MYO3B: variants seen among roughly 807,000 people sequenced by gnomAD.
MYO3B encodes myosin IIIB.
MYO3B carries 156 observed loss-of-function variants against 174.6 expected under a neutral mutation model. That is an observed-to-expected ratio of 0.89 (90% CI 0.78 to 1.02). MYO3B has a LOEUF of 1.02. Among genes scored for constraint, MYO3B ranks in the 50% least tolerant of loss-of-function variants. The pLI is 0.00. For synonymous variants in MYO3B, 563 were observed against 569.1 expected, an observed-to-expected ratio of 0.99 and a Z score of 0.15; for missense variants, 1,632 against 1,639.4, an observed-to-expected ratio of 1.00 and a Z score of 0.08.
intron 7 of MYO3B, among the ~76,000 whole-genome samples, chr2:170,258,900 A>G (rs1328611219): frequency 2.0e-5 from 3 of 152,212 alleles, no homozygotes; most frequent in Admixed American, 6.5e-5. Context: ...TACAAAAATC[A>G]GTAGTATTTC....
chr2:170,321,631 A>G (rs1287084985), intron 7 of MYO3B, among the ~76,000 whole-genome samples: 1 of 152,214 alleles, frequency 6.6e-6, no homozygotes, highest in Non-Finnish European at 1.5e-5. Context: ...ATTCACAACT[A>G]GAGTGAAGTG....
intron 32 of MYO3B, among the ~76,000 whole-genome samples, chr2:170,566,234 G>T (rs1174576529): frequency 6.6e-6 from 1 of 152,102 alleles, no homozygotes; most frequent in Non-Finnish European, 1.5e-5. Context: ...GGAGATTAAG[G>T]AATTTATTCT....
intron 32 of MYO3B, among the ~76,000 whole-genome samples, chr2:170,617,830 G>A (rs1695565708): frequency 6.6e-6 from 1 of 152,206 alleles, no homozygotes; most frequent in Non-Finnish European, 1.5e-5. Flanking sequence ...CAACAATGGT[G>A]TAGTGAGAAG....
intron 32 of MYO3B, among the ~76,000 whole-genome samples, chr2:170,576,581 G>A (rs1692799039): frequency 6.6e-6 from 1 of 152,218 alleles, no homozygotes; most frequent in African/African-American, 2.4e-5. Flanking sequence ...GTCACACAGA[G>A]CATGAGGCTA....
intron 3 of MYO3B, among the ~76,000 whole-genome samples, chr2:170,204,512 A>G (rs2092695463): frequency 6.6e-6 from 1 of 152,238 alleles, no homozygotes; most frequent in Non-Finnish European, 1.5e-5. Context: ...GGAACATTTT[A>G]TTGCTTGAAA....
intron 32 of MYO3B, among the ~76,000 whole-genome samples, chr2:170,643,382 G>A (rs886605666): frequency 1.3e-5 from 2 of 152,148 alleles, no homozygotes; most frequent in Admixed American, 1.3e-4. Flanking sequence ...CCATGTGCAT[G>A]GTCAACCCTC....
intron 7 of MYO3B, among the ~76,000 whole-genome samples, chr2:170,295,788 A>G (rs1164920206): frequency 6.6e-6 from 1 of 152,126 alleles, no homozygotes; most frequent in African/African-American, 2.4e-5. Context: ...TTTCTTCTTT[A>G]TTATAAGACA....
At chr2:170,488,867 C>A (rs1011881473) in intron 25 of MYO3B, among the ~76,000 whole-genome samples, 26 of 152,214 alleles carry the variant, frequency 1.7e-4, no homozygotes, top group African/African-American at 6.0e-4. Context: ...GAAGCACCTT[C>A]CTGATACACT....
chr2:170,383,818 A>G lies in MYO3B; in HGVS notation c.1290+4A>G, dbSNP rs2094353601. The G allele has an allele frequency of 6.2e-7, 1 of 1,605,452 alleles. No homozygotes were observed. Among genetic ancestry groups the G allele is most frequent in the African/African-American group, 1.3e-5 (1 of 74,748 alleles). On this transcript the variant is annotated splice_donor_region_variant and intron_variant, in intron 12 of 34. Transcript: ENST00000408978. ...GGTTACTCTCAGCAAAGACCAGGTA[A>G]GAACTCACCTTCCTTTCCTACGGAG...
At chr2:170,436,925 T>C (rs1328554792) in intron 22 of MYO3B, among the ~76,000 whole-genome samples, 1 of 152,206 alleles carries the variant, frequency 6.6e-6, no homozygotes, top group East Asian at 1.9e-4. Context: ...CTTTGAGACC[T>C]TTGTGAACAG....
chr2:170,190,225 C>G (rs1175096316), intron 1 of MYO3B, among the ~76,000 whole-genome samples: 1 of 152,174 alleles, frequency 6.6e-6, no homozygotes, highest in Non-Finnish European at 1.5e-5. Flanking sequence ...CTTTCCTGAG[C>G]TGCCTAGAAC....
intron 32 of MYO3B, among the ~76,000 whole-genome samples, chr2:170,630,133 G>A (rs138118902): frequency 9.8e-4 from 149 of 152,244 alleles, no homozygotes; most frequent in Non-Finnish European, 1.3e-3. Flanking sequence ...ACAAGGGATC[G>A]GGGGATTTCC....
intron 7 of MYO3B, among the ~76,000 whole-genome samples, chr2:170,284,203 A>G (rs908617337): frequency 6.6e-6 from 1 of 152,192 alleles, no homozygotes; most frequent in African/African-American, 2.4e-5. Flanking sequence ...GGACCAATTT[A>G]ATTTAAATGT....
chr2:170,426,477 A>G (rs2094662627), intron 22 of MYO3B, among the ~76,000 whole-genome samples: 1 of 151,460 alleles, frequency 6.6e-6, no homozygotes, highest in Non-Finnish European at 1.5e-5. Context: ...CTGGGACTAC[A>G]GGCACCCACC....
chr2:170,343,231 G>C (rs1451794507), intron 8 of MYO3B, among the ~76,000 whole-genome samples: 1 of 152,038 alleles, frequency 6.6e-6, no homozygotes, highest in Admixed American at 6.6e-5. Context: ...CTTGAGACCA[G>C]GAGTTTGAGC....
intron 29 of MYO3B, among the ~76,000 whole-genome samples, chr2:170,517,539 A>T (rs1042189179): frequency 2.6e-5 from 4 of 152,128 alleles, no homozygotes; most frequent in African/African-American, 7.2e-5. Flanking sequence ...GAGGATCTCA[A>T]AATAGGTACA....
chr2:170,542,179 C>T (rs1308890254), intron 30 of MYO3B, among the ~76,000 whole-genome samples: 2 of 152,162 alleles, frequency 1.3e-5, no homozygotes, highest in Admixed American at 6.5e-5. Context: ...TTACTCAGTG[C>T]TTTCCACTCT....
chr2:170,296,593 C>T (rs3845738), intron 7 of MYO3B, among the ~76,000 whole-genome samples: 103,117 of 151,802 alleles, frequency 0.68, 35,226 homozygotes, highest in Admixed American at 0.75. Flanking sequence ...TGGGGGTCTT[C>T]ATGGGTCATA....
At chr2:170,387,748 G>C (rs2094386577) in intron 14 of MYO3B, among the ~76,000 whole-genome samples, 1 of 152,146 alleles carries the variant, frequency 6.6e-6, no homozygotes, top group Admixed American at 6.5e-5. Context: ...CAATAGCACA[G>C]ACTTTGATCT....
Sources: allele counts gnomAD v4.1 joint callset (sites outside exome capture counted in the v4.1 genomes callset), GRCh38; gene constraint gnomAD v4.1.1; transcripts MANE v1.5; gene names NCBI Gene and HGNC (gene_info 2026-07-23, HGNC 2026-07-21).